The following MEX3C variants were observed in gnomAD, a reference collection of about 807,000 sequenced individuals.
MEX3C encodes the protein RNA-binding E3 ubiquitin-protein ligase MEX3C.
MEX3C carries 15 observed loss-of-function variants against 35.5 expected under a neutral mutation model. That is an observed-to-expected ratio of 0.42 (90% confidence interval 0.28 to 0.65). The LOEUF (loss-of-function observed/expected upper bound fraction) is 0.65, where lower values mean the gene tolerates loss of function less well. MEX3C is among the 30% of genes least tolerant of loss of function. MEX3C has a pLI of 0.20. For synonymous variants in MEX3C, 390 were observed against 352.8 expected (o/e 1.11, Z -1.18); for missense variants, 711 against 842.8 (o/e 0.84, Z 1.94).
In MEX3C at chr18:51,177,665, A is replaced by G. The variant is rs1912334723; in HGVS notation, c.755-89T>C. On this transcript the variant is annotated intron_variant, in intron 1 of 1. Coordinates refer to ENST00000406189, the MANE Select transcript of MEX3C (RefSeq NM_016626.5). The surrounding 1 kb of genome is among the most constrained non-coding windows in gnomAD (Gnocchi z 4.2). ...TCACAGAATGCACCTTTTAAGCTAAATATCTGGTTATGGGTTAAGTTTTAG... is the reference window on the plus strand; with the variant it reads ...TCACAGAATGCACCTTTTAAGCTAAGTATCTGGTTATGGGTTAAGTTTTAG... 7 of 1,385,912 alleles carry G rather than the reference A, an allele frequency of 5.1e-6. No individual in the cohort carries two copies. The highest frequency in any genetic ancestry group is 1.9e-4 in the Middle Eastern group (1 of 5,202). 85.9% of individuals were successfully genotyped at this position (1,385,912 alleles called of 1,614,324 possible). A position where few individuals can be genotyped will look rare whatever the true frequency, so the allele number is the denominator to read the frequency against.
At chr18:51,191,872 A>C (rs944848144) in intron 1 of MEX3C, among the ~76,000 whole-genome samples, 9 of 152,188 alleles carry the variant, frequency 5.9e-5, no homozygotes, top group Middle Eastern at 3.2e-3. Flanking sequence ...TCTTTCCAAT[A>C]TACCACAGCT....
intron 1 of MEX3C, among the ~76,000 whole-genome samples, chr18:51,182,748 T>C (rs934122810): frequency 1.3e-5 from 2 of 152,032 alleles, no homozygotes; most frequent in African/African-American, 4.8e-5. Flanking sequence ...GGGAAAGGGG[T>C]TGAAAGAAAA....
chr18:51,186,494 G>A (rs544633687), intron 1 of MEX3C, among the ~76,000 whole-genome samples: 5 of 152,332 alleles, frequency 3.3e-5, no homozygotes, highest in East Asian at 1.9e-4. Context: ...AGAGCTTCAC[G>A]TCACTGGAGG....
Position 51,177,126 on chromosome 18 carries a change from T to C in MEX3C, c.1205A>G (p.Asn402Ser), listed in dbSNP as rs533957172. 1.9e-5 allele frequency: 31 copies of C among 1,614,006 alleles called. No homozygotes were observed. The highest frequency in any genetic ancestry group is 1.0e-4 in the Admixed American group (6 of 60,028). The change falls in exon 2 of 2, where the codon AAT (asparagine) becomes AGT (serine). Residue 402 changes from asparagine to serine, a missense_variant. By Grantham distance (46) the Asn-to-Ser change is conservative. Coordinates refer to ENST00000406189, the MANE Select transcript of MEX3C (RefSeq NM_016626.5). This position sits in a 1 kb window ranked among gnomAD's most constrained non-coding sequence, Gnocchi z 4.2. ...ATTGTAATGGAAATCATTCTCTTCATTGAGCTCTATATAGTTTCCTGTACG... is the reference window on the plus strand; with the variant it reads ...ATTGTAATGGAAATCATTCTCTTCACTGAGCTCTATATAGTTTCCTGTACG... ...AMRTGNYIEL[N>S]EENDFHYNGT...
Position 51,196,814 on chromosome 18 carries a change from G to T in MEX3C, c.507C>A (p.Ala169=). The change falls in exon 1 of 2, where the codon GCC becomes GCA. Residue 169 remains alanine, a synonymous_variant. Coordinates refer to ENST00000406189, the MANE Select transcript of MEX3C (RefSeq NM_016626.5). The part of the protein sequence containing the change: ...GGSLGSVLLP[A]ARFDAREAAA... ...CCGCCTCCCGGGCATCGAACCTGGC[G>T]GCTGGCAGCAGCACAGACCCCAGGG... 1 of 1,532,454 alleles carries T rather than the reference G, an allele frequency of 6.5e-7. No homozygotes were observed. The highest frequency in any genetic ancestry group is 2.5e-5 in the East Asian group (1 of 39,922). 94.9% of individuals were successfully genotyped at this position (1,532,454 alleles called of 1,614,324 possible). A position where few individuals can be genotyped will look rare whatever the true frequency, so the allele number is the denominator to read the frequency against.
In MEX3C at chr18:51,197,113, G is replaced by C; in HGVS notation, c.208C>G (p.Leu70Val). Residue 70 changes from leucine to valine, a missense_variant, in exon 1 of 2, where the codon CTT (leucine) becomes GTT (valine). This residue lies in a region of MEX3C where 354 missense variants were observed against 311.6 expected (regional missense o/e 1.14). Coordinates refer to ENST00000406189, the MANE Select transcript of MEX3C (RefSeq NM_016626.5). ...PSPAEPGAPALRAPAAAAQGQ... is the reference protein window; with the variant it reads ...PSPAEPGAPAVRAPAAAAQGQ... The stretch of plus-strand genomic sequence containing the variant: ...TGCGCCGCCGCTGCCGGGGCCCGAA[G>C]CGCCGGGGCGCCGGGCTCCGCCGGG... The C allele has an allele frequency of 3.6e-6, 4 of 1,119,716 alleles. No individual in the cohort carries two copies. Among genetic ancestry groups the C allele is most frequent in the Non-Finnish European group, 4.3e-6 (4 of 920,984 alleles). The allele number at this position is 1,119,716 out of a possible 1,614,324, so 69.4% of individuals were successfully genotyped here.
chr18:51,176,203 T>C lies in MEX3C; in HGVS notation c.*148A>G. 1 of 792,778 alleles carries C rather than the reference T, an allele frequency of 1.3e-6. No individual in the cohort carries two copies. The highest frequency in any genetic ancestry group is 1.9e-6 in the Non-Finnish European group (1 of 527,370). 49.1% of individuals were successfully genotyped at this position (792,778 alleles called of 1,614,324 possible). Reference sequence around the variant, plus strand: ...GGTTTAGTGTTACCATAGCAGCCTTTTATAAGTTTACTAACAACTTTAGCC... The same window carrying C: ...GGTTTAGTGTTACCATAGCAGCCTTCTATAAGTTTACTAACAACTTTAGCC... On this transcript the variant is annotated 3_prime_UTR_variant, in exon 2 of 2. Coordinates refer to ENST00000406189, the MANE Select transcript of MEX3C (RefSeq NM_016626.5).
rs1269192228 is a variant in MEX3C at position 51,177,887 on chromosome 18, A to C, written c.755-311T>G. 6.6e-6 allele frequency among the ~76,000 whole-genome samples: 1 copy of C among 152,174 alleles called. No homozygotes were observed. ...CTCTGTAAAACTCAATTGATGACAA[A>C]AACACCGTGCTCATGGCTAGTAGGT... On this transcript the variant is annotated intron_variant, in intron 1 of 1. Transcript: ENST00000406189. The surrounding 1 kb of genome is among the most constrained non-coding windows in gnomAD (Gnocchi z 4.2).
chr18:51,185,781 T>C (rs1385038048), intron 1 of MEX3C, among the ~76,000 whole-genome samples: 2 of 152,096 alleles, frequency 1.3e-5, no homozygotes, highest in Non-Finnish European at 2.9e-5. Flanking sequence ...AAGTAAGGGC[T>C]GAGTGTGGTG....
Position 51,177,269 on chromosome 18 carries a change from C to G in MEX3C, c.1062G>C (p.Gln354His), listed in dbSNP as rs762347883. The G allele has an allele frequency of 6.2e-7, 1 of 1,613,992 alleles. No homozygotes were observed. The highest frequency in any genetic ancestry group is 1.1e-5 in the South Asian group (1 of 91,078). Residue 354 changes from glutamine to histidine, a missense_variant, in exon 2 of 2, where the codon CAG becomes CAC. Gln to His is a conservative substitution (Grantham distance 24, BLOSUM62 0). Transcript: ENST00000406189. This position sits in a 1 kb window ranked among gnomAD's most constrained non-coding sequence, Gnocchi z 4.2. ...PKGATIKRIQ[Q>H]QTHTYIVTPS... ...GAGTTACTATGTAGGTGTGGGTCTG[C>G]TGCTGAATTCTTTTAATAGTTGCTC...
chr18:51,178,374 C>CTTT (rs80087001), intron 1 of MEX3C, among the ~76,000 whole-genome samples: 2 of 145,016 alleles, frequency 1.4e-5, no homozygotes, highest in Non-Finnish European at 1.5e-5. Flanking sequence ...CTTTAACCAA[C>CTTT]TTTTTTTTTT....
At position 51,176,220 on chromosome 18, in the gene MEX3C, A is replaced by G. The variant is rs1912298101; in HGVS notation, c.*131T>C. 6.5e-6 allele frequency: 6 copies of G among 920,700 alleles called. No homozygotes were observed. The highest frequency in any genetic ancestry group is 9.4e-6 in the Non-Finnish European group (6 of 637,862). The allele number at this position is 920,700 out of a possible 1,614,324, so 57.0% of individuals were successfully genotyped here. Reference sequence around the variant, plus strand: ...GCAGCCTTTTATAAGTTTACTAACAACTTTAGCCTAATCCCAATAAAGCCT... The same window carrying G: ...GCAGCCTTTTATAAGTTTACTAACAGCTTTAGCCTAATCCCAATAAAGCCT... On this transcript the variant is annotated 3_prime_UTR_variant, in exon 2 of 2. Coordinates refer to ENST00000406189, the MANE Select transcript of MEX3C (RefSeq NM_016626.5).
chr18:51,189,569 TAGACA>T (rs2144556022), intron 1 of MEX3C, among the ~76,000 whole-genome samples: 1 of 152,336 alleles, frequency 6.6e-6, no homozygotes, highest in East Asian at 1.9e-4. Context: ...TCACTTATTT[TAGACA>T]AGACAATAAA....
At chr18:51,178,786 G>C (rs1388749419) in intron 1 of MEX3C, among the ~76,000 whole-genome samples, 1 of 151,404 alleles carries the variant, frequency 6.6e-6, no homozygotes, top group East Asian at 2.0e-4. Flanking sequence ...CTCGAACCCG[G>C]GGGACAGAGG....
At chr18:51,195,441 T>C (rs1165248681) in intron 1 of MEX3C, 3 of 152,236 alleles carry the variant, frequency 2.0e-5, no homozygotes, top group East Asian at 1.9e-4. Context: ...AAGTCTGATA[T>C]GTGAAACCAC....
At chr18:51,192,812 G>A (rs538523523) in intron 1 of MEX3C, 1 of 152,290 alleles carries the variant, frequency 6.6e-6, no homozygotes, top group Non-Finnish European at 1.5e-5. Context: ...ACCTAGCAGG[G>A]TTAAACGGCA....
At chr18:51,183,116 A>G (rs1912464936) in intron 1 of MEX3C, among the ~76,000 whole-genome samples, 1 of 152,224 alleles carries the variant, frequency 6.6e-6, no homozygotes, top group African/African-American at 2.4e-5. Context: ...TGGTAATACT[A>G]TAGTTCTGCT....
chr18:51,184,049 G>A (rs1912483612), intron 1 of MEX3C, among the ~76,000 whole-genome samples: 1 of 151,952 alleles, frequency 6.6e-6, no homozygotes, highest in African/African-American at 2.4e-5. Context: ...AGAAGTCAGA[G>A]AGATGTGCTC....
Position 51,197,652 on chromosome 18 carries a change from G to A in MEX3C, c.-332C>T, listed in dbSNP as rs1464396017. ...ACCAGCCCCCGGCGCGCGCGGCGGC[G>A]GCGGCTACGCCCCACGCCGCTCTCC... On this transcript the variant is annotated 5_prime_UTR_variant, in exon 1 of 2. Transcript: ENST00000406189. 6.6e-6 allele frequency among the ~76,000 whole-genome samples: 1 copy of A among 151,870 alleles called. No individual in the cohort carries two copies. Among genetic ancestry groups the A allele is most frequent in the Non-Finnish European group, 1.5e-5 (1 of 67,912 alleles).
Sources: gnomAD v4.1 joint callset for allele counts (sites outside exome capture counted in the v4.1 genomes callset) on GRCh38, gnomAD v4.1.1 for gene constraint, gnomAD v4.1.1 regional missense constraint, Gnocchi (gnomAD v3.1) non-coding constraint, MANE v1.5 for transcripts, NCBI Gene and HGNC (gene_info 2026-07-23, HGNC 2026-07-21) for gene names.